The following ADAMTSL1 variants were observed in gnomAD, a reference collection of about 807,000 sequenced individuals.
ADAMTSL1 encodes the protein ADAMTS like 1, also known as ADAMTS-like protein 1.
Under a neutral mutation model 201.8 loss-of-function variants are expected in ADAMTSL1, and 126 were observed. That is an observed-to-expected ratio of 0.62 (90% confidence interval 0.54 to 0.72). The LOEUF is 0.72. Ranked by LOEUF, ADAMTSL1 falls within the 30% of genes least tolerant of loss-of-function variation. ADAMTSL1 has a pLI of 0.00. For missense variants in ADAMTSL1, 2,679 were observed against 2,277.8 expected, an observed-to-expected ratio of 1.18 and a Z score of -3.59; for synonymous variants, 1,121 against 903.4, an observed-to-expected ratio of 1.24 and a Z score of -4.32.
chr9:17,923,814 A>C (rs1337213039), intron 1 of ADAMTSL1, among the ~76,000 whole-genome samples: 26 of 136,714 alleles, frequency 1.9e-4, no homozygotes, highest in Non-Finnish European at 1.6e-5. Flanking sequence ...CACCTAATTT[A>C]TTGAGAGTTT....
At chr9:18,824,948 G>A (rs776450223) in intron 21 of ADAMTSL1, among the ~76,000 whole-genome samples, 4 of 151,862 alleles carry the variant, frequency 2.6e-5, no homozygotes, top group Admixed American at 1.3e-4. Context: ...TGTCTGCCTC[G>A]GCCTCCCAAA....
chr9:18,059,688 G>C (rs1007477844), intron 1 of ADAMTSL1, among the ~76,000 whole-genome samples: 2 of 152,082 alleles, frequency 1.3e-5, no homozygotes, highest in Non-Finnish European at 2.9e-5. Context: ...GATTGCTCTT[G>C]ACCTTGTACA....
At chr9:18,185,285 T>G (rs1828685591) in intron 2 of ADAMTSL1, among the ~76,000 whole-genome samples, 1 of 152,122 alleles carries the variant, frequency 6.6e-6, no homozygotes, top group Admixed American at 6.5e-5. Context: ...CTTGCTCTCC[T>G]TCCTACTGGC....
intron 4 of ADAMTSL1, among the ~76,000 whole-genome samples, chr9:18,603,863 C>A (rs982516145): frequency 6.6e-6 from 1 of 152,062 alleles, no homozygotes; most frequent in Non-Finnish European, 1.5e-5. Flanking sequence ...TTAGAAATAC[C>A]AAAATTGTTA....
rs189982775 is a variant in ADAMTSL1 at position 18,449,370 on chromosome 9, T to C, written c.208-55459T>C. 5.5e-4 allele frequency among the ~76,000 whole-genome samples: 84 copies of C among 151,994 alleles called. 2 individuals are homozygous for C. In the East Asian group the frequency reaches 0.01, roughly 19 times the overall value. On this transcript the variant is annotated intron_variant, in intron 2 of 29. Transcript: ENST00000680146. Reference sequence around the variant, plus strand: ...ACAGTGATTAGAGCCAACACAGTCGTAGAGCCATTTGCCTTCTTTCTTTCT... The same window carrying C: ...ACAGTGATTAGAGCCAACACAGTCGCAGAGCCATTTGCCTTCTTTCTTTCT...
intron 10 of ADAMTSL1, 58 bp downstream of exon 10, chr9:18,675,965 CTA>C: frequency 1.4e-6 from 2 of 1,420,920 alleles, no homozygotes; most frequent in Non-Finnish European, 2.0e-6. Flanking sequence ...TGCTGCTTAT[CTA>C]TATATATAGA....
rs1461176393 is a variant in ADAMTSL1 at position 18,291,774 on chromosome 9, C to CACACACACAT, written c.207+127798_207+127799insCACATACACA. Among the ~76,000 whole-genome samples the CACACACACAT allele has an allele frequency of 2.9e-4, 42 of 144,804 alleles. 1 individual carries two copies. In the South Asian group the frequency reaches 5.6e-3, roughly 19 times the overall value. The allele number at this position is 144,804 out of a possible 152,430, so 95.0% of individuals were successfully genotyped here. The stretch of plus-strand genomic sequence containing the variant: ...ACACACACACACACACACACACACA[C>CACACACACAT]ACACATCCCTACCTGTCTTAGAGAG... On this transcript the variant is annotated intron_variant, in intron 2 of 29. Transcript: ENST00000680146.
intron 1 of ADAMTSL1, among the ~76,000 whole-genome samples, chr9:17,952,775 A>T (rs4382566): frequency 6.6e-6 from 1 of 151,544 alleles, no homozygotes; most frequent in Non-Finnish European, 1.5e-5. Flanking sequence ...CATCCATCTG[A>T]CTTGGCCTCC....
chr9:18,889,056 C>T (rs1405787956), intron 24 of ADAMTSL1, among the ~76,000 whole-genome samples: 1 of 152,192 alleles, frequency 6.6e-6, no homozygotes, highest in African/African-American at 2.4e-5. Flanking sequence ...TTCTTACTGA[C>T]ATCATTGTCT....
At chr9:18,153,565 A>G (rs1178232595) in intron 1 of ADAMTSL1, among the ~76,000 whole-genome samples, 1 of 152,026 alleles carries the variant, frequency 6.6e-6, no homozygotes, top group Non-Finnish European at 1.5e-5. Context: ...TGAGGCTGAA[A>G]GGTACTTGGT....
At chr9:18,771,353 T>G (rs770180872) in intron 17 of ADAMTSL1, among the ~76,000 whole-genome samples, 1 of 152,218 alleles carries the variant, frequency 6.6e-6, no homozygotes, top group Non-Finnish European at 1.5e-5. Flanking sequence ...TGGGAAGTGA[T>G]TGCTTCAGCA....
intron 2 of ADAMTSL1, chr9:18,360,537 A>G (rs1836471090): frequency 6.6e-6 from 1 of 152,158 alleles, no homozygotes; most frequent in Non-Finnish European, 1.5e-5. Flanking sequence ...TAAATGAATG[A>G]TGACCAAATA....
intron 14 of ADAMTSL1, among the ~76,000 whole-genome samples, chr9:18,715,688 T>G (rs1448590278): frequency 6.6e-6 from 1 of 151,966 alleles, no homozygotes; most frequent in East Asian, 1.9e-4. Context: ...TTCAATGCCA[T>G]CCCCATCAAG....
intron 2 of ADAMTSL1, among the ~76,000 whole-genome samples, chr9:18,278,651 T>C (rs1481286942): frequency 2.6e-5 from 4 of 152,196 alleles, no homozygotes; most frequent in Non-Finnish European, 5.9e-5. Flanking sequence ...TTATAATTAA[T>C]CTATTTGAGT....
intron 23 of ADAMTSL1, among the ~76,000 whole-genome samples, chr9:18,886,118 C>T (rs977551683): frequency 2.8e-4 from 41 of 145,106 alleles, no homozygotes; most frequent in Non-Finnish European, 4.4e-4. Flanking sequence ...GAAACCTTGT[C>T]TCTACTTAAA....
intron 1 of ADAMTSL1, among the ~76,000 whole-genome samples, chr9:18,048,322 A>T (rs1821764608): frequency 6.6e-6 from 1 of 152,172 alleles, no homozygotes; most frequent in Non-Finnish European, 1.5e-5. Flanking sequence ...GCTTCATCTC[A>T]CATAGAAATT....
chr9:18,359,375 G>C (rs918175012), intron 2 of ADAMTSL1, among the ~76,000 whole-genome samples: 2 of 152,084 alleles, frequency 1.3e-5, no homozygotes, highest in African/African-American at 4.8e-5. Context: ...TTTGAGAAAA[G>C]GTTACACAAA....
chr9:18,666,565 A>G (rs1829447712), intron 9 of ADAMTSL1, among the ~76,000 whole-genome samples: 1 of 152,140 alleles, frequency 6.6e-6, no homozygotes, highest in African/African-American at 2.4e-5. Flanking sequence ...CATGTGACTA[A>G]GACATTTAGG....
intron 1 of ADAMTSL1, among the ~76,000 whole-genome samples, chr9:18,157,417 C>A (rs79058637): frequency 1.3e-5 from 2 of 151,876 alleles, no homozygotes; most frequent in African/African-American, 4.8e-5. Context: ...TTGTTCCCCC[C>A]ATAAAGGCTA....
Sources: gnomAD v4.1 joint callset for allele counts (sites outside exome capture counted in the v4.1 genomes callset) on GRCh38, gnomAD v4.1.1 for gene constraint, MANE v1.5 for transcripts, NCBI Gene and HGNC (gene_info 2026-07-23, HGNC 2026-07-21) for gene names.